NRIP3: variants seen among roughly 807,000 people sequenced by gnomAD.
NRIP3 encodes nuclear receptor interacting protein 3.
Under a neutral mutation model 29.0 loss-of-function variants are expected in NRIP3, and 31 were observed. The observed-to-expected ratio is 1.07, with a 90% CI of 0.80 to 1.44. NRIP3 has a LOEUF of 1.44. Ranked by LOEUF, NRIP3 falls within the 40% of genes most tolerant of loss-of-function variation. NRIP3 has a pLI of 0.00. For synonymous variants in NRIP3, 131 were observed against 118.3 expected (o/e 1.11, Z -0.70); for missense variants, 314 against 297.9 (o/e 1.05, Z -0.40).
rs1050843874 is a variant in NRIP3 at position 8,982,674 on chromosome 11, A to G, written c.*871T>C. On this transcript the variant is annotated 3_prime_UTR_variant, in exon 7 of 7. Coordinates refer to ENST00000309166, the MANE Select transcript of NRIP3 (RefSeq NM_020645.3). The stretch of plus-strand genomic sequence containing the variant: ...GAGGTTCACAGTGAGAAACCATTTC[A>G]TTCATCTTTGTACGCTCGTTTTTAG... The G allele has an allele frequency of 9.1e-6, 2 of 219,492 alleles. No homozygotes were observed. Among genetic ancestry groups the G allele is most frequent in the Non-Finnish European group, 9.2e-6 (1 of 109,256 alleles). 13.6% of individuals were successfully genotyped at this position (219,492 alleles called of 1,614,324 possible).
intron 3 of NRIP3, among the ~76,000 whole-genome samples, chr11:8,986,710 T>A (rs1273280488): frequency 6.6e-6 from 1 of 152,152 alleles, no homozygotes; most frequent in Non-Finnish European, 1.5e-5. Context: ...GCACTATACT[T>A]CATATTTTTA....
At chr11:8,995,693 A>G (rs1267606385) in intron 1 of NRIP3, among the ~76,000 whole-genome samples, 1 of 152,228 alleles carries the variant, frequency 6.6e-6, no homozygotes, top group Non-Finnish European at 1.5e-5. Flanking sequence ...TTTTTAAAAC[A>G]TAAGTCAGGT....
rs1460980122 is a variant in NRIP3 at position 8,988,299 on chromosome 11, C to A, written c.175-17G>T. The A allele has an allele frequency of 1.2e-6, 2 of 1,609,432 alleles. No individual in the cohort carries two copies. The highest frequency in any genetic ancestry group is 1.1e-5 in the South Asian group (1 of 90,664). On this transcript the variant is annotated splice_polypyrimidine_tract_variant and intron_variant, in intron 1 of 6. Coordinates refer to ENST00000309166, the MANE Select transcript of NRIP3 (RefSeq NM_020645.3). Reference sequence around the variant, plus strand: ...ATGAGGTTGCTTGAGGGATAGAAAGCAGAGACTTCTTAGTGACAGGCCACA... The same window carrying A: ...ATGAGGTTGCTTGAGGGATAGAAAGAAGAGACTTCTTAGTGACAGGCCACA...
intron 4 of NRIP3, 26 bp from the exon 5 acceptor site, chr11:8,984,150 G>T: frequency 1.3e-6 from 2 of 1,545,272 alleles, no homozygotes; most frequent in South Asian, 1.1e-5. Flanking sequence ...AAATGATTAA[G>T]ATTTAGCCAT....
intron 1 of NRIP3, among the ~76,000 whole-genome samples, chr11:8,998,857 G>A (rs529511070): frequency 4.9e-4 from 64 of 129,634 alleles, no homozygotes; most frequent in Non-Finnish European, 8.2e-4. Context: ...GCATTGGCAC[G>A]ATCTCGGCTC....
chr11:8,985,628 G>C, intron 4 of NRIP3, 83 bp downstream of exon 4: 1 of 1,499,874 alleles, frequency 6.7e-7, no homozygotes, highest in Non-Finnish European at 9.0e-7. Context: ...ATATTTACAG[G>C]CATGAGATGA....
intron 1 of NRIP3, among the ~76,000 whole-genome samples, chr11:8,992,625 C>T (rs78912592): frequency 0.02 from 3,046 of 152,236 alleles, 44 homozygotes; most frequent in Non-Finnish European, 0.033. Context: ...CTTCAAAAAT[C>T]TGGGGCCGGG....
At chr11:8,996,223 A>G (rs1183546734) in intron 1 of NRIP3, among the ~76,000 whole-genome samples, 3 of 151,220 alleles carry the variant, frequency 2.0e-5, no homozygotes, top group African/African-American at 4.9e-5. Flanking sequence ...AGCTCTTGAC[A>G]TAGTACTGAA....
At position 8,982,899 on chromosome 11, in the gene NRIP3, C is replaced by A. The variant is rs1485249566; in HGVS notation, c.*646G>T. 4.4e-6 allele frequency: 2 copies of A among 450,976 alleles called. No individual in the cohort carries two copies. The highest frequency in any genetic ancestry group is 4.4e-6 in the Non-Finnish European group (1 of 225,184). 27.9% of individuals were successfully genotyped at this position (450,976 alleles called of 1,614,324 possible). On this transcript the variant is annotated 3_prime_UTR_variant, in exon 7 of 7. Transcript: ENST00000309166. ...GTTAAAGGCTTGAATACAAATGAGG[C>A]AGCATGGGAGTCTTGGCTTGGAAAT...
intron 1 of NRIP3, among the ~76,000 whole-genome samples, chr11:8,994,367 A>G (rs1413278624): frequency 6.6e-6 from 1 of 152,212 alleles, no homozygotes; most frequent in Non-Finnish European, 1.5e-5. Context: ...GAGAGAATTT[A>G]GCTTTTATAA....
chr11:8,997,502 C>T (rs1854728343), intron 1 of NRIP3, among the ~76,000 whole-genome samples: 1 of 152,026 alleles, frequency 6.6e-6, no homozygotes, highest in African/African-American at 2.4e-5. Flanking sequence ...TAAACTTCAA[C>T]AAGGCAGCTA....
In NRIP3 at chr11:8,982,857, C is replaced by A. The variant is rs1854443337; in HGVS notation, c.*688G>T. 2 of 375,578 alleles carry A rather than the reference C, an allele frequency of 5.3e-6. No homozygotes were observed. Among genetic ancestry groups the A allele is most frequent in the South Asian group, 4.0e-5 (2 of 49,700 alleles). The allele number at this position is 375,578 out of a possible 1,614,324, so 23.3% of individuals were successfully genotyped here. ...TTTTTTTTTTTTTTTAACACATTCT[C>A]ACCTCTTTGCCCTCCTGTTAAAGGC... is the stretch of plus-strand genomic sequence containing the variant. On this transcript the variant is annotated 3_prime_UTR_variant, in exon 7 of 7. Transcript: ENST00000309166.
chr11:9,003,046 T>C (rs1306566965), intron 1 of NRIP3, among the ~76,000 whole-genome samples: 1 of 152,100 alleles, frequency 6.6e-6, no homozygotes, highest in African/African-American at 2.4e-5. Context: ...CAGGAACAAC[T>C]GTGCTAGAAA....
chr11:8,987,715 T>G (rs1321168453), intron 2 of NRIP3, 85 bp from the exon 3 acceptor site: 15 of 1,029,050 alleles, frequency 1.5e-5, no homozygotes, highest in Non-Finnish European at 2.0e-5. Flanking sequence ...AGATGTCATA[T>G]GAAAGGCAGG....
intron 1 of NRIP3, among the ~76,000 whole-genome samples, chr11:8,988,582 A>AC (rs1854553127): frequency 6.6e-6 from 1 of 152,196 alleles, no homozygotes; most frequent in Non-Finnish European, 1.5e-5. Flanking sequence ...ATTTGGACTA[A>AC]CCTAGGCCTG....
chr11:8,985,656 G>A (rs1285052793), intron 4 of NRIP3, 55 bp downstream of exon 4: 1 of 1,581,082 alleles, frequency 6.3e-7, no homozygotes, highest in African/African-American at 1.4e-5. Context: ...TTTTGTTGGG[G>A]GTAGGGAGAG....
At chr11:8,999,614 CCTCCTA>C (rs1854763487) in intron 1 of NRIP3, among the ~76,000 whole-genome samples, 1 of 152,122 alleles carries the variant, frequency 6.6e-6, no homozygotes, top group Admixed American at 6.5e-5. Flanking sequence ...TGCACAATGG[CCTCCTA>C]CTACATCTCT....
At position 8,985,722 on chromosome 11, in the gene NRIP3, G is replaced by T. The variant is rs749777367; in HGVS notation, c.551C>A (p.Ala184Glu). Reference sequence around the variant, plus strand: ...TCAATTCTGCTTACCAACCACAGCTGCTGGGCAGTCCAGGCGGAGGGAGCC... The same window carrying T: ...TCAATTCTGCTTACCAACCACAGCTTCTGGGCAGTCCAGGCGGAGGGAGCC... ...TLGSLRLDCP[A>E]AVVDDNEKNL... Residue 184 changes from alanine to glutamate, a missense_variant, in exon 4 of 7, where the codon GCA (alanine) becomes GAA (glutamate). Coordinates refer to ENST00000309166, the MANE Select transcript of NRIP3 (RefSeq NM_020645.3). 27 of 1,613,846 alleles carry T rather than the reference G, an allele frequency of 1.7e-5. No individual in the cohort carries two copies. The Admixed American group carries it at 3.7e-4, about 22-fold the overall frequency.
chr11:8,988,294 G>A lies in NRIP3; in HGVS notation c.175-12C>T, dbSNP rs1854549696. ...ATATTATGAGGTTGCTTGAGGGATA[G>A]AAAGCAGAGACTTCTTAGTGACAGG... On this transcript the variant is annotated splice_polypyrimidine_tract_variant and intron_variant, in intron 1 of 6. Transcript: ENST00000309166. The A allele has an allele frequency of 6.2e-7, 1 of 1,610,536 alleles. No homozygotes were observed. Among genetic ancestry groups the A allele is most frequent in the South Asian group, 1.1e-5 (1 of 90,788 alleles).
Sources: allele counts gnomAD v4.1 joint callset (sites outside exome capture counted in the v4.1 genomes callset), GRCh38; gene constraint gnomAD v4.1.1; transcripts MANE v1.5; gene names NCBI Gene and HGNC (gene_info 2026-07-23, HGNC 2026-07-21).